PDE1C: variants seen among roughly 807,000 people sequenced by gnomAD.
The protein encoded by PDE1C is dual specificity calcium/calmodulin-dependent 3',5'-cyclic nucleotide phosphodiesterase 1C.
A neutral mutation model predicts 93.1 loss-of-function variants in PDE1C; 62 were observed. The ratio of observed to expected loss-of-function variants is 0.67; its 90% CI spans 0.54 to 0.82. PDE1C has a LOEUF of 0.82. Ranked by LOEUF, PDE1C falls within the 40% of genes least tolerant of loss-of-function variation. The pLI, the probability that PDE1C is intolerant of heterozygous loss-of-function variation, is 0.00. For synonymous variants in PDE1C, 325 were observed against 310.1 expected (o/e 1.05, Z -0.50); for missense variants, 742 against 884.6 (o/e 0.84, Z 2.04).
intron 1 of PDE1C, among the ~76,000 whole-genome samples, chr7:32,388,176 A>G (rs1784677776): frequency 6.6e-6 from 1 of 152,212 alleles, no homozygotes; most frequent in African/African-American, 2.4e-5. Flanking sequence ...GTTGTCAAAG[A>G]AAAAAAGATT....
rs749948142 is a variant in PDE1C at position 31,823,149 on chromosome 7, G to C, written c.1506C>G (p.Asp502Glu). ...TCCAAGTAGCTTTAAAGCTCTTATA[G>C]TCAACGGAGATGACAGAATTGTTGA... ...APINNSVISVDYKSFKATWTE... is the reference protein window; with the variant it reads ...APINNSVISVEYKSFKATWTE... Residue 502 changes from aspartate to glutamate, a missense_variant, in exon 14 of 18, where the codon GAC becomes GAG. Transcript: ENST00000396191. 3.1e-6 allele frequency: 5 copies of C among 1,613,444 alleles called. No individual in the cohort carries two copies. The highest frequency in any genetic ancestry group is 4.2e-6 in the Non-Finnish European group (5 of 1,179,570).
At chr7:32,365,275 A>T (rs941676282) in intron 1 of PDE1C, among the ~76,000 whole-genome samples, 3 of 152,142 alleles carry the variant, frequency 2.0e-5, no homozygotes, top group African/African-American at 7.2e-5. Context: ...AAGCTAGCCA[A>T]GCAGCCATGA....
the PDE1C span, among the ~76,000 whole-genome samples, chr7:31,686,072 A>C: frequency 6.6e-6 from 1 of 152,202 alleles, no homozygotes; most frequent in Non-Finnish European, 1.5e-5. Context: ...GTTGCCAGGG[A>C]CCTGCTCTGC....
Position 32,070,352 on chromosome 7 carries a change from G to C in PDE1C, c.42C>G (p.Asn14Lys). 1 of 1,614,264 alleles carries C rather than the reference G, an allele frequency of 6.2e-7. No individual in the cohort carries two copies. The highest frequency in any genetic ancestry group is 2.2e-5 in the East Asian group (1 of 44,882). Residue 14 changes from asparagine (N) to lysine (K), a missense_variant, in exon 1 of 18, where the codon AAC becomes AAG. Physicochemically the swap from Asn to Lys is moderately conservative, Grantham distance 94. Transcript: ENST00000396191. ...PTKEIEEFES[N>K]SLKYLQPEQI... is the part of the protein sequence containing the mutation. ...GTTCCGGTTGCAGGTATTTCAGAGA[G>C]TTGCTCTCAAATTCTTCAATCTCCT... is the stretch of plus-strand genomic sequence containing the variant.
intron 2 of PDE1C, among the ~76,000 whole-genome samples, chr7:31,984,753 T>G (rs966974533): frequency 6.6e-6 from 1 of 152,198 alleles, no homozygotes. Flanking sequence ...TTATTCTGTT[T>G]GCAGATTGTC....
intron 3 of PDE1C, chr7:32,078,114 C>T: frequency 1.3e-6 from 1 of 750,546 alleles, no homozygotes; most frequent in Non-Finnish European, 1.6e-6. Context: ...AAATTCTGAC[C>T]CAAAGGTACA....
intron 17 of PDE1C, among the ~76,000 whole-genome samples, chr7:31,763,162 C>A (rs1238562550): frequency 1.3e-5 from 2 of 152,122 alleles, no homozygotes; most frequent in Admixed American, 6.5e-5. Flanking sequence ...TTGAGAGCAA[C>A]TTGGTTTATA....
chr7:32,310,332 G>A (rs1273550916), intron 1 of PDE1C, among the ~76,000 whole-genome samples: 1 of 152,052 alleles, frequency 6.6e-6, no homozygotes, highest in Non-Finnish European at 1.5e-5. Flanking sequence ...GTCAACATTA[G>A]ACCGATCAAT....
At chr7:31,723,312 A>G in the PDE1C span, among the ~76,000 whole-genome samples, 3 of 152,238 alleles carry the variant, frequency 2.0e-5, no homozygotes, top group South Asian at 2.1e-4. Flanking sequence ...CTTTTCCCAT[A>G]TATGAGCTCG....
chr7:32,096,054 C>A (rs1392235707), intron 3 of PDE1C, among the ~76,000 whole-genome samples: 2 of 152,118 alleles, frequency 1.3e-5, no homozygotes, highest in African/African-American at 4.8e-5. Flanking sequence ...TAAGATGGTA[C>A]CTTTGCTACA....
the PDE1C span, among the ~76,000 whole-genome samples, chr7:31,676,263 A>G: frequency 3.3e-5 from 5 of 152,138 alleles, no homozygotes; most frequent in Non-Finnish European, 5.9e-5. Context: ...TAGAAACTAC[A>G]TTTTCTTTAC....
At chr7:31,870,041 TA>T (rs1795744849) in intron 6 of PDE1C, among the ~76,000 whole-genome samples, 1 of 151,802 alleles carries the variant, frequency 6.6e-6, no homozygotes. Flanking sequence ...AAGGAGAAAA[TA>T]AAAATATTTT....
intron 1 of PDE1C, among the ~76,000 whole-genome samples, chr7:32,348,415 A>AGTG (rs1225426961): frequency 8.9e-6 from 1 of 112,256 alleles, no homozygotes; most frequent in African/African-American, 3.5e-5. Context: ...CCCAGGCTGG[A>AGTG]GTGCAGTGGT....
intron 17 of PDE1C, among the ~76,000 whole-genome samples, chr7:31,774,684 A>G (rs905364371): frequency 6.6e-6 from 1 of 152,224 alleles, no homozygotes; most frequent in African/African-American, 2.4e-5. Flanking sequence ...AATTACTGAA[A>G]TATTTGTTGA....
intron 1 of PDE1C, among the ~76,000 whole-genome samples, chr7:32,374,309 A>AAGAAAGAAAGAAAGAG (rs61357676): frequency 1.4e-5 from 2 of 146,508 alleles, no homozygotes; most frequent in African/African-American, 5.3e-5. Flanking sequence ...GAAAGAAAGA[A>AAGAAAGAAAGAAAGAG]GAAAAGAAAA....
At chr7:31,639,561 G>A in the PDE1C span, among the ~76,000 whole-genome samples, 1 of 142,500 alleles carries the variant, frequency 7.0e-6, no homozygotes, top group Non-Finnish European at 1.5e-5. Context: ...TTTTGAGATG[G>A]AGTCTCACTC....
chr7:31,787,882 T>C (rs560668156), intron 16 of PDE1C: 26 of 152,352 alleles, frequency 1.7e-4, no homozygotes, highest in African/African-American at 5.3e-4. Context: ...CATAGCATCA[T>C]ATAATATAGC....
At chr7:32,186,709 G>C (rs1391430594) in intron 2 of PDE1C, among the ~76,000 whole-genome samples, 1 of 152,016 alleles carries the variant, frequency 6.6e-6, no homozygotes, top group African/African-American at 2.4e-5. Flanking sequence ...CTTTGTAACA[G>C]TATAGTCAGA....
intron 2 of PDE1C, among the ~76,000 whole-genome samples, chr7:32,013,252 AAC>A (rs1787408341): frequency 3.9e-5 from 6 of 152,172 alleles, no homozygotes. Flanking sequence ...TAGAAACACA[AAC>A]AGTTTAGACA....
Sources: allele counts gnomAD v4.1 joint callset (sites outside exome capture counted in the v4.1 genomes callset), GRCh38; gene constraint gnomAD v4.1.1; transcripts MANE v1.5; gene names NCBI Gene and HGNC (gene_info 2026-07-23, HGNC 2026-07-21).